The following PDE1A variants were observed in gnomAD, a reference collection of about 807,000 sequenced individuals.
PDE1A encodes the protein phosphodiesterase 1A.
In PDE1A, 35 loss-of-function variants were observed where a neutral mutation model predicts 61.7. The ratio of observed to expected loss-of-function variants is 0.57; its 90% CI spans 0.43 to 0.75. The LOEUF is 0.75. Among genes scored for constraint, PDE1A ranks in the 30% least tolerant of loss-of-function variants. PDE1A has a pLI of 0.00. For synonymous variants in PDE1A, 232 were observed against 213.2 expected (o/e 1.09, Z -0.77); for missense variants, 597 against 630.6 (o/e 0.95, Z 0.57).
intron 7 of PDE1A, among the ~76,000 whole-genome samples, chr2:182,219,721 GC>G (rs1387772559): frequency 6.6e-6 from 1 of 151,954 alleles, no homozygotes; most frequent in Non-Finnish European, 1.5e-5. Context: ...CCTAGCACTG[GC>G]CCTGCCACTG....
chr2:182,538,821 C>T, the PDE1A span, among the ~76,000 whole-genome samples: 4 of 152,114 alleles, frequency 2.6e-5, no homozygotes, highest in Non-Finnish European at 5.9e-5. Flanking sequence ...GTAAAAAGTA[C>T]TCATTCAGTA....
downstream of PDE1A, among the ~76,000 whole-genome samples, chr2:182,143,585 G>A (rs1045739144): frequency 2.6e-5 from 4 of 151,998 alleles, no homozygotes; most frequent in Non-Finnish European, 5.9e-5. Context: ...GCGCCATCTC[G>A]GCTCACTGCA....
chr2:182,164,629 T>C (rs150552110), downstream of PDE1A, among the ~76,000 whole-genome samples: 9 of 152,092 alleles, frequency 5.9e-5, no homozygotes, highest in African/African-American at 1.7e-4. Flanking sequence ...GTGGTAGGGA[T>C]AGAGGTGATT....
chr2:182,566,707 A>C, the PDE1A span, among the ~76,000 whole-genome samples: 3 of 152,174 alleles, frequency 2.0e-5, no homozygotes. Context: ...AAAGCTAGGA[A>C]GCTGATCCTA....
At chr2:182,499,646 C>G (rs78896496) in intron 2 of PDE1A, among the ~76,000 whole-genome samples, 388 of 152,188 alleles carry the variant, frequency 2.5e-3, no homozygotes, top group Non-Finnish European at 4.5e-3. Context: ...ATAGCAATAC[C>G]GAGAGTTAAA....
chr2:182,376,545 C>T (rs1574488083), intron 1 of PDE1A, among the ~76,000 whole-genome samples: 1 of 152,226 alleles, frequency 6.6e-6, no homozygotes, highest in East Asian at 1.9e-4. Context: ...TTCAACAAGT[C>T]TCTGGGGACT....
intron 1 of PDE1A, among the ~76,000 whole-genome samples, chr2:182,395,242 G>T (rs181333673): frequency 1.2e-4 from 19 of 152,312 alleles, no homozygotes; most frequent in Non-Finnish European, 2.2e-4. Context: ...CTACCTCAGG[G>T]GTATGTCAAC....
At chr2:182,141,948 T>C (rs1035601454) in exon 15 of PDE1A, 4 of 152,214 alleles carry the variant, frequency 2.6e-5, no homozygotes, top group African/African-American at 9.7e-5. Context: ...TGCATAAAGG[T>C]AGTTTTTCAG....
At chr2:182,468,358 C>G (rs902218229) in intron 2 of PDE1A, among the ~76,000 whole-genome samples, 3 of 151,938 alleles carry the variant, frequency 2.0e-5, no homozygotes, top group African/African-American at 7.2e-5. Context: ...AGCATCTTCA[C>G]CAGAAGTAGA....
the PDE1A span, among the ~76,000 whole-genome samples, chr2:182,548,947 A>G: frequency 6.6e-6 from 1 of 152,246 alleles, no homozygotes; most frequent in African/African-American, 2.4e-5. Context: ...AACAGGAAGC[A>G]GAGATGTGTT....
At chr2:182,287,427 G>A (rs982039791) in intron 1 of PDE1A, among the ~76,000 whole-genome samples, 11 of 151,962 alleles carry the variant, frequency 7.2e-5, no homozygotes, top group South Asian at 4.1e-4. Flanking sequence ...TATCTATCAC[G>A]TCTATTTACC....
At chr2:182,311,919 C>T (rs530335601) in intron 1 of PDE1A, among the ~76,000 whole-genome samples, 1 of 152,270 alleles carries the variant, frequency 6.6e-6, no homozygotes, top group Admixed American at 6.5e-5. Flanking sequence ...AGTACCTCCA[C>T]ATTATCACCA....
intron 1 of PDE1A, among the ~76,000 whole-genome samples, chr2:182,311,433 C>T (rs926531945): frequency 3.3e-5 from 5 of 152,150 alleles, no homozygotes; most frequent in African/African-American, 7.2e-5. Flanking sequence ...TATATAGTCA[C>T]GTTACCATCA....
At chr2:182,261,898 TATAG>T (rs531600243) in intron 2 of PDE1A, among the ~76,000 whole-genome samples, 198 of 152,346 alleles carry the variant, frequency 1.3e-3, no homozygotes, top group African/African-American at 4.6e-3. Context: ...TCTAAAGTTT[TATAG>T]ATAAATAGAA....
the PDE1A span, among the ~76,000 whole-genome samples, chr2:182,692,668 T>TAA: frequency 6.8e-6 from 1 of 147,696 alleles, no homozygotes; most frequent in African/African-American, 2.5e-5. Context: ...TAAAGTATAA[T>TAA]AAAAATATAT....
intron 13 of PDE1A, among the ~76,000 whole-genome samples, chr2:182,170,333 T>A (rs1171541581): frequency 1.3e-5 from 2 of 151,906 alleles, no homozygotes; most frequent in Non-Finnish European, 2.9e-5. Flanking sequence ...TGATAAAAAA[T>A]TTCACTCCCA....
chr2:182,398,051 A>G (rs545140429), intron 1 of PDE1A, among the ~76,000 whole-genome samples: 1 of 152,204 alleles, frequency 6.6e-6, no homozygotes, highest in South Asian at 2.1e-4. Flanking sequence ...AACATGGTTT[A>G]GATAGATGAG....
At chr2:182,700,750 A>AAAAAAAAAAAAAAAC in the PDE1A span, among the ~76,000 whole-genome samples, 1 of 144,780 alleles carries the variant, frequency 6.9e-6, no homozygotes, top group African/African-American at 2.6e-5. Flanking sequence ...ACAGAAAGAA[A>AAAAAAAAAAAAAAAC]AGAAAAAGAA....
chr2:182,554,579 C>T, the PDE1A span, among the ~76,000 whole-genome samples: 4 of 152,222 alleles, frequency 2.6e-5, 1 homozygote, highest in South Asian at 8.3e-4. Context: ...ATTGCTTCTA[C>T]TTGTGTGAAC....
Sources: allele counts gnomAD v4.1 joint callset (sites outside exome capture counted in the v4.1 genomes callset), GRCh38; gene constraint gnomAD v4.1.1; transcripts MANE v1.5; gene names NCBI Gene and HGNC (gene_info 2026-07-23, HGNC 2026-07-21).